Variants in DSC1 observed in about 807,000 individuals in gnomAD.
DSC1 encodes the protein desmocollin 1, also known as desmocollin-1.
Under a neutral mutation model 98.8 loss-of-function variants are expected in DSC1, and 79 were observed. The observed-to-expected ratio is 0.80, with a 90% confidence interval of 0.67 to 0.96. The LOEUF is 0.96. DSC1 is among the 50% of genes least tolerant of loss of function. The pLI is 0.00. For missense variants in DSC1, 1,115 were observed against 1,075.9 expected, an observed-to-expected ratio of 1.04 and a Z score of -0.51; for synonymous variants, 405 against 372.1, an observed-to-expected ratio of 1.09 and a Z score of -1.02.
Position 31,152,172 on chromosome 18 carries a change from C to CA in DSC1, c.627+2601dup, listed in dbSNP as rs201748337. 6.7e-3 allele frequency among the ~76,000 whole-genome samples: 997 copies of CA among 149,584 alleles called. 9 individuals are homozygous for CA. The highest frequency in any genetic ancestry group is 0.019 in the African/African-American group (773 of 40,680). ...GTGACACCCTATATCAAAAAAACAACAAAAAAAAACAAGATAATAAAAGAT... is the reference window on the plus strand; with the variant it reads ...GTGACACCCTATATCAAAAAAACAACAAAAAAAAAACAAGATAATAAAAGAT... On this transcript the variant is annotated intron_variant, in intron 5 of 15. Transcript: ENST00000257198.
intron 4 of DSC1, among the ~76,000 whole-genome samples, chr18:31,155,491 T>G (rs2741003): frequency 0.65 from 98,124 of 151,620 alleles, 32,111 homozygotes; most frequent in East Asian, 0.81. Context: ...TTAGCTGGGC[T>G]TCGTGGTGGG....
chr18:31,139,322 C>A (rs1988679674), intron 11 of DSC1, among the ~76,000 whole-genome samples: 1 of 152,008 alleles, frequency 6.6e-6, no homozygotes, highest in African/African-American at 2.4e-5. Flanking sequence ...AAGCTCAGAA[C>A]AAACTTACTT....
At chr18:31,142,357 T>C (rs1988756188) in intron 8 of DSC1, among the ~76,000 whole-genome samples, 173 bp from the exon 9 acceptor site, 1 of 152,170 alleles carries the variant, frequency 6.6e-6, no homozygotes, top group Non-Finnish European at 1.5e-5. Context: ...CCTCCTGAAT[T>C]GCCTTTTCAT....
At chr18:31,147,200 A>G (rs922546604) in intron 6 of DSC1, among the ~76,000 whole-genome samples, 1 of 151,894 alleles carries the variant, frequency 6.6e-6, no homozygotes, top group African/African-American at 2.4e-5. Flanking sequence ...AAGGCAATGT[A>G]TATGTTTTAT....
chr18:31,159,551 A>T (rs1164493848), intron 1 of DSC1, 22 bp from the exon 2 acceptor site: 1 of 1,565,844 alleles, frequency 6.4e-7, no homozygotes, highest in African/African-American at 1.4e-5. Flanking sequence ...AAAAAGAAAA[A>T]ATATCAGGAA....
In DSC1 at chr18:31,130,261, A is replaced by G; in HGVS notation, c.*253T>C. On this transcript the variant is annotated 3_prime_UTR_variant, in exon 16 of 16. Coordinates refer to ENST00000257198, the MANE Select transcript of DSC1 (RefSeq NM_024421.2). ...AAATAAAAGGTGCAAGAAGGTGTAC[A>G]GTACAGTCGTGAAAAGGGCAATATA... 2.2e-6 allele frequency: 1 copy of G among 463,040 alleles called. No homozygotes were observed. Among genetic ancestry groups the G allele is most frequent in the Non-Finnish European group, 3.8e-6 (1 of 262,222 alleles). The allele number at this position is 463,040 out of a possible 1,614,324, so 28.7% of individuals were successfully genotyped here.
chr18:31,154,965 A>G (rs754996898), intron 4 of DSC1, 36 bp from the exon 5 acceptor site: 1 of 1,602,594 alleles, frequency 6.2e-7, no homozygotes, highest in Non-Finnish European at 8.5e-7. Flanking sequence ...CAAATACGTC[A>G]TGATGAATAT....
intron 13 of DSC1, among the ~76,000 whole-genome samples, chr18:31,133,258 A>T (rs1988535026): frequency 6.6e-6 from 1 of 152,028 alleles, no homozygotes; most frequent in Non-Finnish European, 1.5e-5. Flanking sequence ...AGAAGAGAGA[A>T]ACAGAAAGAA....
At position 31,157,520 on chromosome 18, in the gene DSC1, C is replaced by T; in HGVS notation, c.202G>A (p.Ala68Thr). ...SASLIRSSDP[A>T]FRILEDGSIY... The stretch of plus-strand genomic sequence containing the variant: ...GAGCCATCTTCTAGAATTCTGAAGG[C>T]AGGGTCACTGGACCGGATTAGGCTG... Residue 68 changes from alanine to threonine, a missense_variant, in exon 3 of 16, where the codon GCC becomes ACC. Transcript: ENST00000257198. The T allele has an allele frequency of 6.2e-7, 1 of 1,614,184 alleles. No individual in the cohort carries two copies. The highest frequency in any genetic ancestry group is 1.6e-4 in the Middle Eastern group (1 of 6,062).
chr18:31,156,077 T>C lies in DSC1; in HGVS notation c.437A>G (p.Asn146Ser). The stretch of plus-strand genomic sequence containing the variant: ...GTGTTGTGGAAATGGACCCAACGAG[T>C]TCTCCATCAATGAAGCTGGAATAGG... Reference protein sequence around the residue: ...WAPIPASLMENSLGPFPQHVQ... With the variant: ...WAPIPASLMESSLGPFPQHVQ... Residue 146 changes from asparagine (N) to serine (S), a missense_variant, in exon 4 of 16, where the codon AAC (asparagine) becomes AGC (serine). Physicochemically the swap from Asn to Ser is conservative, Grantham distance 46 (BLOSUM62 1). Coordinates refer to ENST00000257198, the MANE Select transcript of DSC1 (RefSeq NM_024421.2). 3 of 1,614,062 alleles carry C rather than the reference T, an allele frequency of 1.9e-6. No individual in the cohort carries two copies. The highest frequency in any genetic ancestry group is 2.5e-6 in the Non-Finnish European group (3 of 1,179,996).
intron 5 of DSC1, among the ~76,000 whole-genome samples, chr18:31,149,011 A>G (rs1201179238): frequency 6.6e-6 from 1 of 152,230 alleles, no homozygotes; most frequent in Non-Finnish European, 1.5e-5. Context: ...ATGTATATAT[A>G]CATACAAATA....
chr18:31,132,620 G>A lies in DSC1; in HGVS notation c.2186C>T (p.Ala729Val). The change falls in exon 14 of 16, where the codon GCC becomes GTC. Residue 729 changes from alanine to valine, a missense_variant. Physicochemically the swap from Ala to Val is moderately conservative, Grantham distance 64. Coordinates refer to ENST00000257198, the MANE Select transcript of DSC1 (RefSeq NM_024421.2). ...ATTTGATACAATTAAATTTTGCTGG[G>A]CTATGTCTTCTGGAAAACATTTCTT... is the stretch of plus-strand genomic sequence containing the variant. ...TVKKCFPEDI[A>V]QQNLIVSNTE... 6.2e-7 allele frequency: 1 copy of A among 1,613,478 alleles called. No homozygotes were observed. Among genetic ancestry groups the A allele is most frequent in the Non-Finnish European group, 8.5e-7 (1 of 1,179,658 alleles).
rs1279379580 is a variant in DSC1 at position 31,156,134 on chromosome 18, G to A, written c.380C>T (p.Thr127Ile). Reference protein sequence around the residue: ...KSPKKRHTKDTALKRSKRRWA... With the variant: ...KSPKKRHTKDIALKRSKRRWA... ...TCGTCTCTTGCTGCGCTTGAGGGCT[G>A]TGTCTTTGGTATGTCTCTTCTTAGG... Residue 127 changes from threonine (T) to isoleucine (I), a missense_variant, in exon 4 of 16, where the codon ACA (threonine) becomes ATA (isoleucine). Physicochemically the swap from Thr to Ile is moderately conservative, Grantham distance 89. Transcript: ENST00000257198. The A allele has an allele frequency of 6.2e-7, 1 of 1,613,936 alleles. No homozygotes were observed. The highest frequency in any genetic ancestry group is 8.5e-7 in the Non-Finnish European group (1 of 1,180,012).
At chr18:31,149,242 G>A (rs890186202) in intron 5 of DSC1, among the ~76,000 whole-genome samples, 12 of 152,098 alleles carry the variant, frequency 7.9e-5, no homozygotes, top group African/African-American at 2.7e-4. Flanking sequence ...CCTTCCTTAT[G>A]TGGTTTGTGC....
chr18:31,143,932 G>A lies in DSC1; in HGVS notation c.940-141C>T, dbSNP rs1167170162. ...TTTATATATTTATTTATTTATTTGAGATGGGGTCTCACTGTCACCCAGGCT... is the reference window on the plus strand; with the variant it reads ...TTTATATATTTATTTATTTATTTGAAATGGGGTCTCACTGTCACCCAGGCT... On this transcript the variant is annotated intron_variant, in intron 7 of 15. Transcript: ENST00000257198. 32 of 600,868 alleles carry A rather than the reference G, an allele frequency of 5.3e-5. No homozygotes were observed. The East Asian group carries it at 1.2e-3, about 22-fold the overall frequency. The allele number at this position is 600,868 out of a possible 1,614,324, so 37.2% of individuals were successfully genotyped here. A position where few individuals can be genotyped will look rare whatever the true frequency, so the allele number is the denominator to read the frequency against.
chr18:31,131,413 G>A, intron 15 of DSC1, 181 bp downstream of exon 15: 1 of 845,118 alleles, frequency 1.2e-6, no homozygotes, highest in Non-Finnish European at 1.8e-6. Flanking sequence ...TATTTTCAAA[G>A]GTGAATTTTC....
At chr18:31,146,385 A>G (rs12606478) in intron 6 of DSC1, among the ~76,000 whole-genome samples, 31,352 of 152,070 alleles carry the variant, frequency 0.21, 3,862 homozygotes, top group East Asian at 0.56. Context: ...AATGACCTCC[A>G]GTTGCATCTA....
Position 31,140,321 on chromosome 18 carries a change from T to C in DSC1, c.1261-20A>G. The C allele has an allele frequency of 1.9e-6, 3 of 1,610,858 alleles. No homozygotes were observed. Among genetic ancestry groups the C allele is most frequent in the Non-Finnish European group, 2.5e-6 (3 of 1,177,778 alleles). On this transcript the variant is annotated intron_variant, in intron 9 of 15. Coordinates refer to ENST00000257198, the MANE Select transcript of DSC1 (RefSeq NM_024421.2). ...CAATGGCTGTTAAATAAGCATACTT[T>C]AATAAGTCAATATATAACATTATAT...
At chr18:31,150,136 CACCATT>C (rs1988935149) in intron 5 of DSC1, among the ~76,000 whole-genome samples, 8 of 148,638 alleles carry the variant, frequency 5.4e-5, no homozygotes, top group South Asian at 2.2e-4. Context: ...CCACCATTAT[CACCATT>C]ATCATCGCAA....
Sources: allele counts gnomAD v4.1 joint callset (sites outside exome capture counted in the v4.1 genomes callset), GRCh38; gene constraint gnomAD v4.1.1; transcripts MANE v1.5; gene names NCBI Gene and HGNC (gene_info 2026-07-23, HGNC 2026-07-21).